Variants in SFRP2 observed in about 807,000 individuals in gnomAD.
The protein encoded by SFRP2 is secreted frizzled-related protein 2.
A neutral mutation model predicts 26.0 loss-of-function variants in SFRP2; 16 were observed. The observed-to-expected ratio is 0.61, with a 90% CI of 0.42 to 0.93. SFRP2 has a LOEUF of 0.93. SFRP2 is among the 40% of genes least tolerant of loss of function. SFRP2 has a pLI of 0.00. For missense variants in SFRP2, 343 were observed against 392.4 expected (o/e 0.87, Z 1.06); for synonymous variants, 173 against 167.3 (o/e 1.03, Z -0.26).
intron 1 of SFRP2, among the ~76,000 whole-genome samples, chr4:153,787,251 A>G (rs528710306): frequency 1.1e-4 from 17 of 152,354 alleles, no homozygotes; most frequent in African/African-American, 4.1e-4. Context: ...GGTCTATGGT[A>G]CATGTTGGAC....
chr4:153,785,554 CAA>C (rs369450385), intron 2 of SFRP2, among the ~76,000 whole-genome samples: 195 of 46,496 alleles, frequency 4.2e-3, no homozygotes, highest in Non-Finnish European at 6.4e-3. Flanking sequence ...TGCCTGTCGG[CAA>C]AAAAAAAAAA....
rs1251397921 is a variant in SFRP2 at position 153,781,650 on chromosome 4, C to G, written c.689G>C (p.Arg230Thr). 2 of 1,614,060 alleles carry G rather than the reference C, an allele frequency of 1.2e-6. No homozygotes were observed. Among genetic ancestry groups the G allele is most frequent in the Non-Finnish European group, 1.7e-6 (2 of 1,180,046 alleles). ...CCACAGCACCGATTTCTTCAGGTCCCTTTCGGACACACCGTTCAGCTTGTA... is the reference window on the plus strand; with the variant it reads ...CCACAGCACCGATTTCTTCAGGTCCGTTTCGGACACACCGTTCAGCTTGTA... ...TIYKLNGVSERDLKKSVLWLK... is the reference protein window; with the variant it reads ...TIYKLNGVSETDLKKSVLWLK... Residue 230 changes from arginine to threonine, a missense_variant, in exon 3 of 3, where the codon AGG (arginine) becomes ACG (threonine). Arg to Thr is a moderately conservative substitution (Grantham distance 71). Around this residue, in one of 2 missense-constraint regions of SFRP2, gnomAD observed 92 missense variants for 139.0 expected, o/e 0.66. Coordinates refer to ENST00000274063, the MANE Select transcript of SFRP2 (RefSeq NM_003013.3).
intron 2 of SFRP2, among the ~76,000 whole-genome samples, chr4:153,782,516 G>A (rs1223082845): frequency 6.6e-6 from 1 of 152,144 alleles, no homozygotes; most frequent in African/African-American, 2.4e-5. Context: ...TAAAGGACAC[G>A]TTTTATAGTC....
Position 153,788,836 on chromosome 4 carries a change from C to T in SFRP2, c.-1G>A. 13 of 1,582,050 alleles carry T rather than the reference C, an allele frequency of 8.2e-6. No individual in the cohort carries two copies. The highest frequency in any genetic ancestry group is 1.1e-5 in the Non-Finnish European group (13 of 1,170,106). Reference sequence around the variant, plus strand: ...GCAGCGAGCCAGGGCCCTGCAGCATCGTGGGCGCGCGACCCCGAGGGGGCA... The same window carrying T: ...GCAGCGAGCCAGGGCCCTGCAGCATTGTGGGCGCGCGACCCCGAGGGGGCA... On this transcript the variant is annotated 5_prime_UTR_variant, in exon 1 of 3. Transcript: ENST00000274063.
rs1741137554 is a variant in SFRP2, at chr4:153,782,524, G to T, written c.584-769C>A. ...TTTACTATAAAGGACACGTTTTATA[G>T]TCATGAACAGTATGCTCTGGGAAAG... On this transcript the variant is annotated intron_variant, in intron 2 of 2. Transcript: ENST00000274063. 2.6e-5 allele frequency among the ~76,000 whole-genome samples: 4 copies of T among 152,188 alleles called. No homozygotes were observed. In the South Asian group the frequency reaches 8.3e-4, roughly 32 times the overall value.
intron 1 of SFRP2, among the ~76,000 whole-genome samples, chr4:153,786,857 T>TAAAA (rs201360782): frequency 1.5e-5 from 2 of 130,096 alleles, no homozygotes; most frequent in South Asian, 2.4e-4. Context: ...TTGGGAGAAG[T>TAAAA]AAAAAAAAAA....
chr4:153,781,635 G>T lies in SFRP2; in HGVS notation c.704C>A (p.Ser235Ter), dbSNP rs1021032920. Residue 235 changes from serine (S) to a stop codon, truncating the protein, a stop_gained, in exon 3 of 3, where the codon TCG becomes TAG. Transcript: ENST00000274063. LOFTEE classifies it high-confidence loss of function. Reference protein sequence around the residue: ...NGVSERDLKKSVLWLKDSLQC... With the variant: ...NGVSERDLKK ...CAAGCTGTCTTTGAGCCACAGCACC[G>T]ATTTCTTCAGGTCCCTTTCGGACAC... 3.1e-6 allele frequency: 5 copies of T among 1,613,982 alleles called. No homozygotes were observed. The highest frequency in any genetic ancestry group is 3.3e-5 in the Admixed American group (2 of 59,984).
chr4:153,782,528 T>A (rs1470570037), intron 2 of SFRP2, among the ~76,000 whole-genome samples: 7 of 152,220 alleles, frequency 4.6e-5, no homozygotes, highest in Non-Finnish European at 1.0e-4. Flanking sequence ...TTTATAGTCA[T>A]GAACAGTATG....
At chr4:153,781,904 G>A in intron 2 of SFRP2, 149 bp from the exon 3 acceptor site, 1 of 688,436 alleles carries the variant, frequency 1.5e-6, no homozygotes, top group Non-Finnish European at 2.5e-6. Flanking sequence ...GCAGATCGGG[G>A]GTTGGGAGCT....
Position 153,781,245 on chromosome 4 carries a change from C to T in SFRP2, c.*206G>A, listed in dbSNP as rs2127181686. The T allele has an allele frequency of 5.5e-6, 3 of 547,932 alleles. No homozygotes were observed. The highest frequency in any genetic ancestry group is 2.9e-5 in the East Asian group (1 of 35,002). 33.9% of individuals were successfully genotyped at this position (547,932 alleles called of 1,614,324 possible). A position where few individuals can be genotyped will look rare whatever the true frequency, so the allele number is the denominator to read the frequency against. The stretch of plus-strand genomic sequence containing the variant: ...TCTACAAGATTCGGGTGGGCTTTTC[C>T]TTTAGGTGAAAACAGCTATCCACTC... On this transcript the variant is annotated 3_prime_UTR_variant, in exon 3 of 3. Transcript: ENST00000274063.
At chr4:153,786,689 CT>C (rs1741214867) in intron 1 of SFRP2, among the ~76,000 whole-genome samples, 1 of 152,150 alleles carries the variant, frequency 6.6e-6, no homozygotes, top group Admixed American at 6.5e-5. Context: ...CCTTCTGTGC[CT>C]GTTTCAAACT....
In SFRP2 at chr4:153,788,315, A is replaced by G; in HGVS notation, c.502+19T>C. 1.9e-6 allele frequency: 3 copies of G among 1,602,434 alleles called. No individual in the cohort carries two copies. The highest frequency in any genetic ancestry group is 2.6e-6 in the Non-Finnish European group (3 of 1,172,460). ...GTCTCAGCCCAGCAGGGAGTGGGGAAGCAAGAGGGAAGGCTTACCTTCCTC... is the reference window on the plus strand; with the variant it reads ...GTCTCAGCCCAGCAGGGAGTGGGGAGGCAAGAGGGAAGGCTTACCTTCCTC... On this transcript the variant is annotated intron_variant, in intron 1 of 2. Coordinates refer to ENST00000274063, the MANE Select transcript of SFRP2 (RefSeq NM_003013.3).
In SFRP2 at chr4:153,788,479, C is replaced by T; in HGVS notation, c.357G>A (p.Val119=). 6.2e-7 allele frequency: 1 copy of T among 1,614,204 alleles called. No individual in the cohort carries two copies. The highest frequency in any genetic ancestry group is 1.6e-4 in the Middle Eastern group (1 of 6,062). Residue 119 remains valine, a synonymous_variant, in exon 1 of 3, where the codon GTG becomes GTA. Transcript: ENST00000274063. ...CCGGGGCGCAGCGGTCCTTCACCTG[C>T]ACGCAGAGCGAGTGGCATGGCTGGA... ...ETIQPCHSLC[V]QVKDRCAPVM...
chr4:153,781,502 C>T lies in SFRP2; in HGVS notation c.837G>A (p.Gly279=). 1.2e-6 allele frequency: 2 copies of T among 1,614,094 alleles called. No homozygotes were observed. Among genetic ancestry groups the T allele is most frequent in the Non-Finnish European group, 1.7e-6 (2 of 1,180,030 alleles). ...GGGAGATGCGCTTGAACTCTCTCTGCCCCTTCTGCCACCGCTTCACCGAGG... is the reference window on the plus strand; with the variant it reads ...GGGAGATGCGCTTGAACTCTCTCTGTCCCTTCTGCCACCGCTTCACCGAGG... ...VITSVKRWQK[G]QREFKRISRS... The change falls in exon 3 of 3, where the codon GGG becomes GGA. Residue 279 remains glycine, a synonymous_variant. Coordinates refer to ENST00000274063, the MANE Select transcript of SFRP2 (RefSeq NM_003013.3).
chr4:153,788,618 A>G lies in SFRP2; in HGVS notation c.218T>C (p.Leu73Pro). Reference sequence around the variant, plus strand: ...CGGGATCCAAGCGCCGGCCTGCTCCAGCACCTCCTTCATGGTCTCGTGGCC... The same window carrying G: ...CGGGATCCAAGCGCCGGCCTGCTCCGGCACCTCCTTCATGGTCTCGTGGCC... ...LLGHETMKEV[L>P]EQAGAWIPLV... Residue 73 changes from leucine (L) to proline (P), a missense_variant, in exon 1 of 3, where the codon CTG (leucine) becomes CCG (proline). By Grantham distance (98) the Leu-to-Pro change is moderately conservative. Coordinates refer to ENST00000274063, the MANE Select transcript of SFRP2 (RefSeq NM_003013.3). 1 of 1,614,164 alleles carries G rather than the reference A, an allele frequency of 6.2e-7. No homozygotes were observed.
intron 2 of SFRP2, among the ~76,000 whole-genome samples, chr4:153,782,951 C>T (rs758652624): frequency 6.7e-6 from 1 of 150,118 alleles, no homozygotes; most frequent in South Asian, 2.1e-4. Flanking sequence ...GAAGATTTTT[C>T]TGTGTTGCGT....
At position 153,781,460 on chromosome 4, in the gene SFRP2, CA is replaced by C. The variant is rs1450826096; in HGVS notation, c.878del (p.Leu293ArgfsTer36). The stretch of plus-strand genomic sequence containing the variant: ...CATCAGGATGCCGGGACTAGCACTG[CA>C]GCTTGCGGATGCTGCGGGAGATGCG... ...FKRISRSIRK[L>X]QC On this transcript the variant is annotated frameshift_variant, in exon 3 of 3. Coordinates refer to ENST00000274063, the MANE Select transcript of SFRP2 (RefSeq NM_003013.3). LOFTEE classifies it high-confidence loss of function. The C allele has an allele frequency of 1.9e-6, 3 of 1,612,230 alleles. No homozygotes were observed. The highest frequency in any genetic ancestry group is 2.7e-5 in the African/African-American group (2 of 74,926).
chr4:153,785,554 C>CAAGAAA (rs1741189201), intron 2 of SFRP2, among the ~76,000 whole-genome samples: 1 of 46,470 alleles, frequency 2.2e-5, no homozygotes, highest in African/African-American at 7.8e-5. Flanking sequence ...TGCCTGTCGG[C>CAAGAAA]AAAAAAAAAA....
rs533800119 is a variant in SFRP2 at position 153,788,511 on chromosome 4, C to T, written c.325G>A (p.Glu109Lys). The T allele has an allele frequency of 3.7e-6, 6 of 1,614,164 alleles. No homozygotes were observed. Among genetic ancestry groups the T allele is most frequent in the East Asian group, 2.2e-5 (1 of 44,878 alleles). Residue 109 changes from glutamate to lysine, a missense_variant, in exon 1 of 3, where the codon GAG becomes AAG. By Grantham distance (56) the Glu-to-Lys change is moderately conservative. Around this residue, in one of 2 missense-constraint regions of SFRP2, gnomAD observed 251 missense variants for 253.3 expected, o/e 0.99. Transcript: ENST00000274063. ...FAPVCLDDLD[E>K]TIQPCHSLCV... is the part of the protein sequence containing the mutation. Reference sequence around the variant, plus strand: ...AGCGAGTGGCATGGCTGGATGGTCTCGTCTAGGTCATCGAGGCAGACGGGG... The same window carrying T: ...AGCGAGTGGCATGGCTGGATGGTCTTGTCTAGGTCATCGAGGCAGACGGGG...
Sources: allele counts gnomAD v4.1 joint callset (sites outside exome capture counted in the v4.1 genomes callset), GRCh38; gene constraint gnomAD v4.1.1; regional missense constraint gnomAD v4.1.1; transcripts MANE v1.5; gene names NCBI Gene and HGNC (gene_info 2026-07-23, HGNC 2026-07-21).